Variants in NCALD observed in about 807,000 individuals in gnomAD.
The protein encoded by NCALD is neurocalcin-delta.
A neutral mutation model predicts 18.6 loss-of-function variants in NCALD; 10 were observed. The ratio of observed to expected loss-of-function variants is 0.54; its 90% CI spans 0.33 to 0.91. The LOEUF (loss-of-function observed/expected upper bound fraction) is 0.91. Among genes scored for constraint, NCALD ranks in the 40% least tolerant of loss-of-function variants. The probability of loss-of-function intolerance (pLI) is 0.03; values close to 1 mark genes in which losing one functional copy is unlikely to be tolerated. For synonymous variants in NCALD, 88 were observed against 87.4 expected (o/e 1.01, Z -0.04); for missense variants, 184 against 247.6 (o/e 0.74, Z 1.72).
chr8:101,740,329 A>G (rs554745662), intron 1 of NCALD, among the ~76,000 whole-genome samples: 1 of 152,374 alleles, frequency 6.6e-6, no homozygotes, highest in Admixed American at 6.5e-5. Context: ...TTTCACATAC[A>G]CTATTTCAGC....
chr8:101,987,520 A>G (rs539472117), intron 2 of NCALD, among the ~76,000 whole-genome samples: 6 of 152,318 alleles, frequency 3.9e-5, no homozygotes, highest in African/African-American at 1.4e-4. Context: ...GGCATATCCA[A>G]AAGAAAAATA....
intron 3 of NCALD, among the ~76,000 whole-genome samples, chr8:101,906,370 C>A (rs547254788): frequency 2.9e-4 from 44 of 152,318 alleles, no homozygotes; most frequent in African/African-American, 9.1e-4. Context: ...CAGAAGCCTG[C>A]AACCTCTTCC....
chr8:102,008,474 T>TAAAAA (rs34867950), intron 2 of NCALD, among the ~76,000 whole-genome samples: 1 of 133,364 alleles, frequency 7.5e-6, no homozygotes, highest in Non-Finnish European at 1.6e-5. Flanking sequence ...TAAAGGCAGT[T>TAAAAA]AAAAAAAAAA....
chr8:101,873,484 T>C (rs1466392718), intron 4 of NCALD, among the ~76,000 whole-genome samples: 2 of 152,194 alleles, frequency 1.3e-5, no homozygotes, highest in Non-Finnish European at 2.9e-5. Flanking sequence ...TAGAAAAAAA[T>C]ATAGCTGGCA....
chr8:102,081,280 A>T (rs1393117150), intron 1 of NCALD, among the ~76,000 whole-genome samples: 1 of 152,192 alleles, frequency 6.6e-6, no homozygotes, highest in Non-Finnish European at 1.5e-5. Context: ...TCACATGACC[A>T]CAATATAACC....
intron 4 of NCALD, among the ~76,000 whole-genome samples, chr8:101,877,105 T>G (rs1222772604): frequency 1.3e-5 from 2 of 152,236 alleles, no homozygotes; most frequent in Non-Finnish European, 2.9e-5. Flanking sequence ...TCCTCTCAGC[T>G]ATTGTATATG....
intron 1 of NCALD, among the ~76,000 whole-genome samples, chr8:101,776,102 C>G (rs984079790): frequency 6.6e-6 from 1 of 152,112 alleles, no homozygotes; most frequent in Non-Finnish European, 1.5e-5. Context: ...TATAGACAAA[C>G]AAAAGAACTC....
intron 4 of NCALD, among the ~76,000 whole-genome samples, chr8:101,838,910 G>C (rs894789246): frequency 1.3e-5 from 2 of 152,224 alleles, no homozygotes; most frequent in Non-Finnish European, 2.9e-5. Context: ...TACTAAGGCA[G>C]AGACTTGAGA....
At chr8:101,979,432 G>A (rs1053172129) in intron 2 of NCALD, among the ~76,000 whole-genome samples, 8 of 152,118 alleles carry the variant, frequency 5.3e-5, no homozygotes, top group African/African-American at 1.9e-4. Flanking sequence ...CAACAAATCG[G>A]CAAATATGCA....
intron 4 of NCALD, among the ~76,000 whole-genome samples, chr8:101,835,723 C>A (rs770600034): frequency 6.6e-6 from 1 of 151,694 alleles, no homozygotes; most frequent in African/African-American, 2.4e-5. Flanking sequence ...TGTGTGCATG[C>A]GTGTGTGTGA....
intron 2 of NCALD, among the ~76,000 whole-genome samples, chr8:102,001,787 G>A (rs933631321): frequency 6.6e-6 from 1 of 152,176 alleles, no homozygotes; most frequent in African/African-American, 2.4e-5. Context: ...AGCTTCATAA[G>A]TGAAGGAGAA....
At chr8:101,958,463 C>T (rs960968109) in intron 2 of NCALD, among the ~76,000 whole-genome samples, 9 of 152,144 alleles carry the variant, frequency 5.9e-5, no homozygotes, top group Middle Eastern at 6.8e-3. Context: ...CCTTGGAGTT[C>T]GTTCAAGGGA....
chr8:101,941,092 G>T (rs1463160705), intron 2 of NCALD, among the ~76,000 whole-genome samples: 1 of 152,128 alleles, frequency 6.6e-6, no homozygotes, highest in Non-Finnish European at 1.5e-5. Flanking sequence ...ATTTCCCTCT[G>T]CAGTCTAGGC....
chr8:101,807,786 C>T (rs1283676865), intron 4 of NCALD, among the ~76,000 whole-genome samples: 2 of 152,150 alleles, frequency 1.3e-5, no homozygotes, highest in African/African-American at 4.8e-5. Flanking sequence ...TTACATAGCA[C>T]TTTCACAATT....
At chr8:101,794,602 AT>A (rs1812569048), upstream of NCALD, among the ~76,000 whole-genome samples, 1 of 152,154 alleles carries the variant, frequency 6.6e-6, no homozygotes, top group South Asian at 2.1e-4. Context: ...ATGTTGGAAA[AT>A]TTTTACATTA....
At chr8:102,001,512 G>A (rs1408457185) in intron 2 of NCALD, among the ~76,000 whole-genome samples, 1 of 152,084 alleles carries the variant, frequency 6.6e-6, no homozygotes, top group Non-Finnish European at 1.5e-5. Flanking sequence ...TTCAAATTCA[G>A]GAAATACAGA....
chr8:101,818,897 C>T (rs925978582), intron 4 of NCALD, among the ~76,000 whole-genome samples: 7 of 152,126 alleles, frequency 4.6e-5, no homozygotes, highest in African/African-American at 1.2e-4. Flanking sequence ...CCCAGCTACT[C>T]GGGAGCTGAG....
At chr8:101,743,326 G>A (rs1395428638) in intron 1 of NCALD, among the ~76,000 whole-genome samples, 2 of 152,148 alleles carry the variant, frequency 1.3e-5, no homozygotes, top group Non-Finnish European at 2.9e-5. Flanking sequence ...CTGGTCAGCT[G>A]GTAGAGCAGA....
intron 1 of NCALD, among the ~76,000 whole-genome samples, chr8:102,082,786 G>C (rs374826171): frequency 1.3e-5 from 2 of 152,294 alleles, no homozygotes; most frequent in African/African-American, 4.8e-5. Context: ...TTTCCTGGCC[G>C]TAAGAGGCTG....
Sources: gnomAD v4.1 joint callset for allele counts (sites outside exome capture counted in the v4.1 genomes callset) on GRCh38, gnomAD v4.1.1 for gene constraint, MANE v1.5 for transcripts, NCBI Gene and HGNC (gene_info 2026-07-23, HGNC 2026-07-21) for gene names.